Variants in ANKS1B observed in about 807,000 individuals in gnomAD.
ANKS1B encodes the protein ankyrin repeat and sterile alpha motif domain containing 1B.
ANKS1B carries 36 observed loss-of-function variants against 148.3 expected under a neutral mutation model. The observed-to-expected ratio is 0.24, with a 90% CI of 0.19 to 0.32. The LOEUF is 0.32. Among genes scored for constraint, ANKS1B ranks in the 10% least tolerant of loss-of-function variants. The pLI is 1.00. For synonymous variants in ANKS1B, 542 were observed against 560.8 expected (o/e 0.97, Z 0.47); for missense variants, 1,157 against 1,542.6 (o/e 0.75, Z 4.19).
intron 11 of ANKS1B, among the ~76,000 whole-genome samples, chr12:99,400,872 T>C (rs998667065): frequency 6.9e-6 from 1 of 145,432 alleles, no homozygotes; most frequent in African/African-American, 2.6e-5. Context: ...TAGATTATTT[T>C]CCTGCAAAAT....
At chr12:99,140,275 A>C (rs560717360) in intron 15 of ANKS1B, among the ~76,000 whole-genome samples, 1 of 152,240 alleles carries the variant, frequency 6.6e-6, no homozygotes, top group East Asian at 1.9e-4. Context: ...TAGTCAACTA[A>C]TCAGTCTGTG....
intron 9 of ANKS1B, among the ~76,000 whole-genome samples, chr12:99,566,842 A>G (rs1454475667): frequency 6.6e-6 from 1 of 152,208 alleles, no homozygotes; most frequent in Non-Finnish European, 1.5e-5. Flanking sequence ...TGTTACAGCA[A>G]CAGAAAATGG....
chr12:99,200,137 C>T (rs1444068696), intron 14 of ANKS1B, among the ~76,000 whole-genome samples: 1 of 152,164 alleles, frequency 6.6e-6, no homozygotes, highest in East Asian at 1.9e-4. Context: ...AAAAGTGGTT[C>T]CTGCAAAAAG....
At chr12:99,963,145 C>A (rs4764640) in intron 1 of ANKS1B, among the ~76,000 whole-genome samples, 1 of 152,136 alleles carries the variant, frequency 6.6e-6, no homozygotes, top group Admixed American at 6.5e-5. Context: ...GTGTTGGCCA[C>A]GTAAATGTCT....
chr12:99,877,653 T>C lies in ANKS1B; in HGVS notation c.135-52264A>G, dbSNP rs1452630270. Among the ~76,000 whole-genome samples the C allele has an allele frequency of 2.0e-5, 3 of 152,246 alleles. No individual in the cohort carries two copies. In the South Asian group the frequency reaches 6.2e-4, roughly 31 times the overall value. The stretch of plus-strand genomic sequence containing the variant: ...TGAAAATTGCTTTCCTTCATAATTA[T>C]TATCTTCTAGTTTCTAGCGTTGATT... On this transcript the variant is annotated intron_variant, in intron 1 of 26. Transcript: ENST00000683438.
Position 99,402,258 on chromosome 12 carries a change from T to C in ANKS1B, c.1576-2447A>G, listed in dbSNP as rs959267580. Among the ~76,000 whole-genome samples the C allele has an allele frequency of 5.5e-5, 8 of 146,374 alleles. 1 individual carries two copies. Among genetic ancestry groups the C allele is most frequent in the African/African-American group, 2.1e-4 (8 of 38,682 alleles). On this transcript the variant is annotated intron_variant, in intron 11 of 26. Transcript: ENST00000683438. Reference sequence around the variant, plus strand: ...CTCTCCTAATGATGTAGTTGAAAGATGAAGGAAAGTCATGAAACTCACTAA... The same window carrying C: ...CTCTCCTAATGATGTAGTTGAAAGACGAAGGAAAGTCATGAAACTCACTAA...
intron 14 of ANKS1B, among the ~76,000 whole-genome samples, chr12:99,241,007 C>T (rs1209636091): frequency 1.3e-5 from 2 of 152,040 alleles, no homozygotes; most frequent in African/African-American, 4.8e-5. Context: ...CAAGAGCAAA[C>T]AAATTCAAAA....
intron 17 of ANKS1B, among the ~76,000 whole-genome samples, chr12:98,969,201 C>A (rs940990451): frequency 1.3e-5 from 2 of 152,158 alleles, no homozygotes; most frequent in Non-Finnish European, 2.9e-5. Context: ...TCATTAGTTT[C>A]TCTGGCCCTC....
At chr12:99,676,489 T>C (rs918907036) in intron 8 of ANKS1B, among the ~76,000 whole-genome samples, 2 of 152,212 alleles carry the variant, frequency 1.3e-5, no homozygotes, top group African/African-American at 2.4e-5. Context: ...TGTTGAAATG[T>C]TCATCAGAAT....
At chr12:98,936,316 C>T (rs1184106165) in intron 17 of ANKS1B, among the ~76,000 whole-genome samples, 1 of 152,174 alleles carries the variant, frequency 6.6e-6, no homozygotes, top group South Asian at 2.1e-4. Context: ...CTCCATACTG[C>T]CATACCACCT....
chr12:99,388,040 AC>A (rs1332097039), intron 12 of ANKS1B, among the ~76,000 whole-genome samples: 4 of 152,140 alleles, frequency 2.6e-5, no homozygotes, highest in Non-Finnish European at 4.4e-5. Context: ...GCATGCTAAG[AC>A]ATTTGGATAT....
chr12:99,413,948 C>T (rs1511968), intron 11 of ANKS1B, among the ~76,000 whole-genome samples: 22,078 of 151,960 alleles, frequency 0.15, 1,807 homozygotes, highest in African/African-American at 0.22. Context: ...ACACCCTGAC[C>T]GAGGCCCTGA....
At chr12:99,043,887 C>T (rs966295164) in intron 17 of ANKS1B, among the ~76,000 whole-genome samples, 3 of 152,004 alleles carry the variant, frequency 2.0e-5, no homozygotes, top group African/African-American at 4.8e-5. Context: ...GCCATGGCAC[C>T]GTGTATGTTA....
chr12:99,315,548 T>C (rs1460105381), intron 12 of ANKS1B, among the ~76,000 whole-genome samples: 2 of 151,608 alleles, frequency 1.3e-5, no homozygotes, highest in African/African-American at 2.4e-5. Flanking sequence ...GTAATTATTA[T>C]TTTTTTCTAT....
At position 99,556,206 on chromosome 12, in the gene ANKS1B, G is replaced by A. The variant is rs540544177; in HGVS notation, c.1273-51565C>T. The stretch of plus-strand genomic sequence containing the variant: ...TTATCCATTTCTTCCAGGTGTTCTC[G>A]ATTGTGTATGCAGAGGTGTTGATAA... On this transcript the variant is annotated intron_variant, in intron 9 of 26. Transcript: ENST00000683438. Among the ~76,000 whole-genome samples, 47 of 152,254 alleles carry A rather than the reference G, an allele frequency of 3.1e-4. No individual in the cohort carries two copies. In the South Asian group the frequency reaches 6.2e-3, roughly 20 times the overall value.
At chr12:99,865,251 A>C (rs772219731) in intron 1 of ANKS1B, among the ~76,000 whole-genome samples, 1 of 152,238 alleles carries the variant, frequency 6.6e-6, no homozygotes, top group African/African-American at 2.4e-5. Flanking sequence ...ATATATTTAC[A>C]CTTTGCCATA....
intron 9 of ANKS1B, among the ~76,000 whole-genome samples, chr12:99,641,190 A>T (rs1019008985): frequency 1.3e-5 from 2 of 152,224 alleles, no homozygotes; most frequent in Non-Finnish European, 2.9e-5. Flanking sequence ...AACAATTTTT[A>T]AAAATGTGCG....
chr12:99,610,811 A>G lies in ANKS1B; in HGVS notation c.1272+44256T>C, dbSNP rs2097895656. ...GGTGTACAACAATGAATGAAAACAG[A>G]AATTTTTGTTACTGTAGAACTCTTT... On this transcript the variant is annotated intron_variant, in intron 9 of 26. Coordinates refer to ENST00000683438, the MANE Select transcript of ANKS1B (RefSeq NM_001352186.2). Among the ~76,000 whole-genome samples, 3 of 152,074 alleles carry G rather than the reference A, an allele frequency of 2.0e-5. No homozygotes were observed. The South Asian group carries it at 6.3e-4, about 32-fold the overall frequency.
chr12:99,653,412 A>C (rs1360814488), intron 9 of ANKS1B, among the ~76,000 whole-genome samples: 1 of 152,162 alleles, frequency 6.6e-6, no homozygotes, highest in Non-Finnish European at 1.5e-5. Flanking sequence ...TAAAACATTT[A>C]ATTATTGATA....
Sources: allele counts gnomAD v4.1 joint callset (sites outside exome capture counted in the v4.1 genomes callset), GRCh38; gene constraint gnomAD v4.1.1; transcripts MANE v1.5; gene names NCBI Gene and HGNC (gene_info 2026-07-23, HGNC 2026-07-21).